Variants in ZFAND3 observed in about 807,000 individuals in gnomAD.
ZFAND3 encodes zinc finger AN1-type containing 3.
ZFAND3 carries 10 observed loss-of-function variants against 29.6 expected under a neutral mutation model. The observed-to-expected ratio is 0.34, with a 90% confidence interval of 0.21 to 0.57. ZFAND3 has a LOEUF of 0.57. Among genes scored for constraint, ZFAND3 ranks in the 20% least tolerant of loss-of-function variants. The pLI, the probability that ZFAND3 is intolerant of heterozygous loss-of-function variation, is 0.86. For synonymous variants in ZFAND3, 128 were observed against 112.6 expected (o/e 1.14, Z -0.87); for missense variants, 230 against 304.5 (o/e 0.76, Z 1.82).
chr6:37,865,972 T>C (rs1486184976), intron 1 of ZFAND3, among the ~76,000 whole-genome samples: 1 of 152,216 alleles, frequency 6.6e-6, no homozygotes, highest in Non-Finnish European at 1.5e-5. Flanking sequence ...GCCATATCTC[T>C]GGTGGCAACT....
intron 5 of ZFAND3, among the ~76,000 whole-genome samples, chr6:38,123,761 G>GTTCCTTCTGATGTTCGGAGTTTC (rs1765578235): frequency 3.9e-5 from 6 of 152,102 alleles, no homozygotes; most frequent in Admixed American, 1.3e-4. Context: ...TCCGGAGTTT[G>GTTCCTTCTGATGTTCGGAGTTTC]TTCCTTCTGA....
At chr6:38,035,955 T>G (rs971037541) in intron 2 of ZFAND3, among the ~76,000 whole-genome samples, 1 of 152,238 alleles carries the variant, frequency 6.6e-6, no homozygotes, top group Non-Finnish European at 1.5e-5. Flanking sequence ...ACTGGAGACC[T>G]TGTGGCATTT....
chr6:37,866,734 A>T (rs1346190898), intron 1 of ZFAND3, among the ~76,000 whole-genome samples: 1 of 149,982 alleles, frequency 6.7e-6, no homozygotes, highest in Non-Finnish European at 1.5e-5. Context: ...GTGACCTTTG[A>T]ATTTTCTGTG....
intron 4 of ZFAND3, among the ~76,000 whole-genome samples, chr6:38,113,526 T>C (rs996610155): frequency 1.3e-5 from 2 of 152,168 alleles, no homozygotes; most frequent in African/African-American, 2.4e-5. Flanking sequence ...TGAATGCCCA[T>C]TGGTCAGGTA....
intron 4 of ZFAND3, among the ~76,000 whole-genome samples, chr6:38,093,170 A>C (rs556562564): frequency 2.0e-5 from 3 of 152,372 alleles, no homozygotes; most frequent in Non-Finnish European, 4.4e-5. Context: ...CAAAAAAACC[A>C]GTTCCTACTG....
intron 5 of ZFAND3, among the ~76,000 whole-genome samples, chr6:38,135,520 G>A (rs1313869301): frequency 2.0e-5 from 3 of 152,204 alleles, no homozygotes; most frequent in African/African-American, 4.8e-5. Context: ...CAAGGCGGGT[G>A]GATCACCTGA....
At chr6:38,053,363 CGA>C (rs1045868586) in intron 2 of ZFAND3, among the ~76,000 whole-genome samples, 3 of 151,194 alleles carry the variant, frequency 2.0e-5, no homozygotes, top group Admixed American at 6.6e-5. Flanking sequence ...CAGACTGAGC[CGA>C]GAGAGGACAC....
intron 3 of ZFAND3, 81 bp downstream of exon 3, chr6:38,061,856 G>A: frequency 6.8e-7 from 1 of 1,475,268 alleles, no homozygotes; most frequent in South Asian, 1.3e-5. Flanking sequence ...CCTGACCCCA[G>A]AAAAAACAGC....
intron 2 of ZFAND3, among the ~76,000 whole-genome samples, chr6:38,033,102 A>G (rs1399468412): frequency 6.6e-6 from 1 of 152,224 alleles, no homozygotes; most frequent in Non-Finnish European, 1.5e-5. Flanking sequence ...ATTTAAACAC[A>G]TTAACCAAAA....
intron 2 of ZFAND3, among the ~76,000 whole-genome samples, chr6:37,991,631 C>CAATTTTAATAAACAGGGAAATTGCT (rs1762760290): frequency 6.6e-6 from 1 of 152,082 alleles, no homozygotes; most frequent in Non-Finnish European, 1.5e-5. Context: ...GGGGTTGTTG[C>CAATTTTAATAAACAGGGAAATTGCT]AATTTTAATA....
chr6:38,024,839 G>A (rs1763418062), intron 2 of ZFAND3, among the ~76,000 whole-genome samples: 1 of 152,178 alleles, frequency 6.6e-6, no homozygotes, highest in African/African-American at 2.4e-5. Flanking sequence ...AATGAGTATG[G>A]GGATTCCTTT....
chr6:37,920,909 G>A (rs1373006197), intron 1 of ZFAND3, among the ~76,000 whole-genome samples: 1 of 152,098 alleles, frequency 6.6e-6, no homozygotes, highest in Non-Finnish European at 1.5e-5. Context: ...TAGAGCTGTT[G>A]GCTGCTTCCT....
At chr6:37,904,176 T>C (rs1403877574) in intron 1 of ZFAND3, among the ~76,000 whole-genome samples, 1 of 152,206 alleles carries the variant, frequency 6.6e-6, no homozygotes, top group Non-Finnish European at 1.5e-5. Context: ...TTGGGCAGTG[T>C]ACATCCTGTG....
At chr6:37,920,039 G>GT (rs1173749251) in intron 1 of ZFAND3, among the ~76,000 whole-genome samples, 1 of 90,582 alleles carries the variant, frequency 1.1e-5, no homozygotes, top group East Asian at 3.0e-4. Context: ...TCACTTCCAG[G>GT]TTTTTTTTGA....
intron 2 of ZFAND3, among the ~76,000 whole-genome samples, chr6:38,028,237 T>A (rs1763485651): frequency 6.6e-6 from 1 of 152,222 alleles, no homozygotes; most frequent in Non-Finnish European, 1.5e-5. Context: ...TTATGTGGCA[T>A]ACTTGTACAA....
intron 2 of ZFAND3, among the ~76,000 whole-genome samples, chr6:38,024,756 G>A (rs1375213357): frequency 6.6e-6 from 1 of 152,196 alleles, no homozygotes; most frequent in African/African-American, 2.4e-5. Context: ...TGCAGAATAG[G>A]TAAGTCTGTA....
chr6:37,926,200 T>A (rs1259382699), intron 1 of ZFAND3, among the ~76,000 whole-genome samples: 1 of 152,228 alleles, frequency 6.6e-6, no homozygotes, highest in Non-Finnish European at 1.5e-5. Flanking sequence ...GAATATGCTA[T>A]GATCAGATAC....
chr6:38,089,063 A>T (rs1240697868), intron 4 of ZFAND3, among the ~76,000 whole-genome samples: 1 of 152,026 alleles, frequency 6.6e-6, no homozygotes, highest in African/African-American at 2.4e-5. Context: ...TGTATTGTTC[A>T]TTGTTCTCTT....
intron 2 of ZFAND3, among the ~76,000 whole-genome samples, chr6:37,943,441 C>T (rs1305618333): frequency 6.6e-6 from 1 of 152,176 alleles, no homozygotes; most frequent in Non-Finnish European, 1.5e-5. Context: ...GTAGAGAACA[C>T]TGTATTTTCC....
Sources: gnomAD v4.1 joint callset for allele counts (sites outside exome capture counted in the v4.1 genomes callset) on GRCh38, gnomAD v4.1.1 for gene constraint, MANE v1.5 for transcripts, NCBI Gene and HGNC (gene_info 2026-07-23, HGNC 2026-07-21) for gene names.